SERGEF: variants seen among roughly 807,000 people sequenced by gnomAD.
SERGEF encodes secretion-regulating guanine nucleotide exchange factor.
In SERGEF, 51 loss-of-function variants were observed where a neutral mutation model predicts 50.0. The observed-to-expected ratio is 1.02, with a 90% CI of 0.81 to 1.29. The LOEUF is 1.29. Among genes scored for constraint, SERGEF ranks in the 50% most tolerant of loss-of-function variants. The probability of loss-of-function intolerance (pLI) is 0.00; values close to 1 mark genes in which losing one functional copy is unlikely to be tolerated. For missense variants in SERGEF, 521 were observed against 557.0 expected (o/e 0.94, Z 0.65); for synonymous variants, 205 against 212.4 (o/e 0.97, Z 0.30).
chr11:17,895,830 A>G (rs1851609523), intron 9 of SERGEF, among the ~76,000 whole-genome samples: 1 of 152,202 alleles, frequency 6.6e-6, no homozygotes, highest in African/African-American at 2.4e-5. Flanking sequence ...AAATATATAT[A>G]ATTTCAGAAA....
intron 5 of SERGEF, among the ~76,000 whole-genome samples, chr11:17,996,971 TG>T (rs1853849480): frequency 1.3e-5 from 2 of 152,304 alleles, no homozygotes; most frequent in South Asian, 4.1e-4. Flanking sequence ...TTTGGGAGGC[TG>T]ACATGGGAGG....
intron 10 of SERGEF, among the ~76,000 whole-genome samples, chr11:17,854,196 G>GA (rs1228416207): frequency 1.3e-5 from 2 of 151,930 alleles, no homozygotes; most frequent in Non-Finnish European, 1.5e-5. Flanking sequence ...TATACATAAA[G>GA]AAAAAAACTG....
intron 10 of SERGEF, among the ~76,000 whole-genome samples, chr11:17,810,305 A>T (rs1849844427): frequency 6.6e-6 from 1 of 152,176 alleles, no homozygotes; most frequent in Admixed American, 6.5e-5. Context: ...CTCTGCCCTC[A>T]GCCTGGGATC....
At chr11:17,863,268 C>T (rs1850958622) in intron 10 of SERGEF, among the ~76,000 whole-genome samples, 1 of 152,180 alleles carries the variant, frequency 6.6e-6, no homozygotes, top group African/African-American at 2.4e-5. Flanking sequence ...AAGGTATTAT[C>T]CTTTAACGAA....
intron 9 of SERGEF, among the ~76,000 whole-genome samples, chr11:17,911,468 A>AT (rs1031889620): frequency 1.3e-5 from 2 of 149,730 alleles, no homozygotes; most frequent in Admixed American, 6.7e-5. Flanking sequence ...ACTAGTAAAA[A>AT]TTTTTTTTTG....
At chr11:17,979,019 T>C (rs1853438231) in intron 8 of SERGEF, among the ~76,000 whole-genome samples, 1 of 152,172 alleles carries the variant, frequency 6.6e-6, no homozygotes, top group Non-Finnish European at 1.5e-5. Context: ...AATCCAAATA[T>C]AATGATAACG....
intron 10 of SERGEF, among the ~76,000 whole-genome samples, chr11:17,847,473 C>G (rs993176955): frequency 7.9e-5 from 12 of 152,236 alleles, no homozygotes; most frequent in African/African-American, 2.9e-4. Flanking sequence ...GTCACAACTT[C>G]TCTTTGCCTC....
chr11:17,899,029 C>G (rs1851697190), intron 9 of SERGEF, among the ~76,000 whole-genome samples: 1 of 152,164 alleles, frequency 6.6e-6, no homozygotes, highest in African/African-American at 2.4e-5. Flanking sequence ...TGCTCCTGCT[C>G]CAGCTATCTA....
chr11:18,006,562 G>C (rs1422947825), intron 3 of SERGEF, 29 bp downstream of exon 3: 1 of 1,602,200 alleles, frequency 6.2e-7, no homozygotes, highest in Non-Finnish European at 8.5e-7. Flanking sequence ...CCTTTGTGGT[G>C]ACAAAAATCT....
intron 9 of SERGEF, among the ~76,000 whole-genome samples, chr11:17,937,600 G>A (rs1852479655): frequency 6.6e-6 from 1 of 151,996 alleles, no homozygotes; most frequent in Non-Finnish European, 1.5e-5. Flanking sequence ...TTTTCCCTAA[G>A]TTGTGAAATT....
chr11:17,936,279 T>C (rs982805621), intron 9 of SERGEF, among the ~76,000 whole-genome samples: 1 of 152,196 alleles, frequency 6.6e-6, no homozygotes, highest in Admixed American at 6.5e-5. Flanking sequence ...TGGGTAATAC[T>C]GGATAAGATG....
intron 9 of SERGEF, among the ~76,000 whole-genome samples, chr11:17,956,413 G>C (rs1413771436): frequency 2.6e-5 from 4 of 152,322 alleles, no homozygotes; most frequent in African/African-American, 9.6e-5. Context: ...GAGGCCAGTT[G>C]AGTTTACCCA....
intron 10 of SERGEF, among the ~76,000 whole-genome samples, chr11:17,834,566 T>C (rs1383357123): frequency 6.6e-6 from 1 of 152,154 alleles, no homozygotes; most frequent in African/African-American, 2.4e-5. Flanking sequence ...ATATAAATGC[T>C]TTACCCTGGA....
rs58279017 is a variant in SERGEF at position 17,888,628 on chromosome 11, TACACACAC to T, written c.1012-10392_1012-10385del. On this transcript the variant is annotated intron_variant, in intron 9 of 10. Transcript: ENST00000265965. The surrounding 1 kb of genome is among the most constrained non-coding windows in gnomAD (Gnocchi z 4.1). ...AGTTATCAGTATGAACTCACAGTTT[TACACACAC>T]ACACACACACACACACACACACACA... Among the ~76,000 whole-genome samples the T allele has an allele frequency of 0.03, 4,256 of 143,798 alleles. 117 individuals are homozygous for T. Among genetic ancestry groups the T allele is most frequent in the East Asian group, 0.17 (808 of 4,636 alleles). 94.3% of individuals were successfully genotyped at this position (143,798 alleles called of 152,430 possible). A position where few individuals can be genotyped will look rare whatever the true frequency, so the allele number is the denominator to read the frequency against.
At chr11:17,941,739 C>T (rs761131372) in intron 9 of SERGEF, among the ~76,000 whole-genome samples, 18 of 152,180 alleles carry the variant, frequency 1.2e-4, no homozygotes, top group South Asian at 4.1e-4. Context: ...CACTATTTTA[C>T]GTTCCCACCA....
intron 4 of SERGEF, among the ~76,000 whole-genome samples, chr11:18,002,260 T>C (rs1853978579): frequency 6.6e-6 from 1 of 152,234 alleles, no homozygotes; most frequent in Non-Finnish European, 1.5e-5. Context: ...TGCTTTAGTT[T>C]GAGCCACAAT....
intron 10 of SERGEF, among the ~76,000 whole-genome samples, chr11:17,833,253 C>T (rs1850343541): frequency 6.6e-6 from 1 of 152,202 alleles, no homozygotes; most frequent in Non-Finnish European, 1.5e-5. Context: ...AGAGCTTGGG[C>T]CGTGGCTTCA....
intron 10 of SERGEF, among the ~76,000 whole-genome samples, chr11:17,871,795 C>G (rs1479897298): frequency 1.3e-5 from 2 of 152,176 alleles, no homozygotes; most frequent in African/African-American, 4.8e-5. Context: ...TTGAAAATAT[C>G]TGGCGAGAGT....
At chr11:17,796,915 C>T (rs528075882) in intron 10 of SERGEF, among the ~76,000 whole-genome samples, 92 of 152,302 alleles carry the variant, frequency 6.0e-4, no homozygotes, top group Non-Finnish European at 9.8e-4. Flanking sequence ...CCCCTTCACA[C>T]CAAGATCCAC....
Sources: gnomAD v4.1 joint callset for allele counts (sites outside exome capture counted in the v4.1 genomes callset) on GRCh38, gnomAD v4.1.1 for gene constraint, Gnocchi (gnomAD v3.1) non-coding constraint, MANE v1.5 for transcripts, NCBI Gene and HGNC (gene_info 2026-07-23, HGNC 2026-07-21) for gene names.